The following FMN1 variants were observed in gnomAD, a reference collection of about 807,000 sequenced individuals.
FMN1 encodes the protein formin 1.
Under a neutral mutation model 132.4 loss-of-function variants are expected in FMN1, and 110 were observed. The observed-to-expected ratio is 0.83, with a 90% CI of 0.71 to 0.97. The LOEUF (loss-of-function observed/expected upper bound fraction) is 0.97, where lower values mean the gene tolerates loss of function less well. FMN1 is among the 50% of genes least tolerant of loss of function. FMN1 has a pLI of 0.00. For missense variants in FMN1, 1,792 were observed against 1,705.3 expected (o/e 1.05, Z -0.90); for synonymous variants, 722 against 651.7 (o/e 1.11, Z -1.64).
At chr15:33,067,848 C>T in intron 5 of FMN1, 7 of 1,613,250 alleles carry the variant, frequency 4.3e-6, no homozygotes, top group Non-Finnish European at 5.9e-6. Flanking sequence ...GGTTCTGACA[C>T]ATCACTGCCA....
chr15:32,839,782 C>T (rs1052505497), intron 17 of FMN1, among the ~76,000 whole-genome samples: 1 of 151,694 alleles, frequency 6.6e-6, no homozygotes, highest in African/African-American at 2.4e-5. Context: ...AATCAACCTC[C>T]CCACTGCTTA....
intron 16 of FMN1, among the ~76,000 whole-genome samples, chr15:32,871,047 C>T (rs1018900172): frequency 4.6e-5 from 7 of 152,238 alleles, no homozygotes; most frequent in East Asian, 3.9e-4. Flanking sequence ...GCTCTGGCAT[C>T]GAGGTGGACT....
chr15:33,073,662 T>C (rs563319894), intron 5 of FMN1, among the ~76,000 whole-genome samples: 18 of 151,470 alleles, frequency 1.2e-4, no homozygotes, highest in Non-Finnish European at 2.4e-4. Flanking sequence ...GATTATGGAA[T>C]AATTTGGGTA....
chr15:32,907,023 T>C (rs970829535), intron 12 of FMN1, among the ~76,000 whole-genome samples: 13 of 152,140 alleles, frequency 8.5e-5, no homozygotes, highest in Admixed American at 5.2e-4. Flanking sequence ...TGAGTCTAAA[T>C]GTCCAGGCAT....
chr15:33,149,720 C>T (rs1964369287), intron 4 of FMN1: 1 of 907,258 alleles, frequency 1.1e-6, no homozygotes, highest in Non-Finnish European at 1.3e-6. Flanking sequence ...AGATAATTTT[C>T]TTTGTACTAC....
intron 4 of FMN1, among the ~76,000 whole-genome samples, chr15:33,132,070 A>G (rs1166271103): frequency 6.6e-6 from 1 of 152,084 alleles, no homozygotes; most frequent in Non-Finnish European, 1.5e-5. Flanking sequence ...CAAAGGATCT[A>G]AAATAACATC....
intron 7 of FMN1, among the ~76,000 whole-genome samples, chr15:32,973,958 T>C (rs1362916613): frequency 2.0e-5 from 3 of 152,208 alleles, no homozygotes; most frequent in Non-Finnish European, 4.4e-5. Flanking sequence ...GTGATTCTAA[T>C]ACAGAGTAGA....
chr15:33,182,134 C>T (rs556030663), intron 2 of FMN1, among the ~76,000 whole-genome samples: 3 of 152,104 alleles, frequency 2.0e-5, no homozygotes, highest in Admixed American at 6.5e-5. Flanking sequence ...ATTTTTCTAG[C>T]TGGAATCATT....
At chr15:33,057,763 G>A (rs868424734) in intron 6 of FMN1, among the ~76,000 whole-genome samples, 44 of 152,212 alleles carry the variant, frequency 2.9e-4, no homozygotes, top group African/African-American at 9.6e-4. Context: ...ATCTTGGGGG[G>A]AAAAGTGCTT....
chr15:33,147,923 G>T (rs562834537), intron 4 of FMN1, among the ~76,000 whole-genome samples: 1 of 151,926 alleles, frequency 6.6e-6, no homozygotes, highest in Non-Finnish European at 1.5e-5. Context: ...AGAGCTTTGT[G>T]TGTTGTTTTT....
intron 17 of FMN1, among the ~76,000 whole-genome samples, chr15:32,822,970 T>C (rs537801797): frequency 2.6e-5 from 4 of 152,224 alleles, no homozygotes; most frequent in East Asian, 3.9e-4. Context: ...AGTCTCACCA[T>C]TGGGTACAAG....
At chr15:33,018,673 G>A (rs12904866) in intron 6 of FMN1, among the ~76,000 whole-genome samples, 11,446 of 152,190 alleles carry the variant, frequency 0.075, 575 homozygotes, top group Middle Eastern at 0.15. Flanking sequence ...TGGTCTCACT[G>A]ACTTCAAGAA....
Position 33,117,211 on chromosome 15 carries a change from G to A in FMN1, c.1868-28237C>T, listed in dbSNP as rs1214994021. 3.3e-5 allele frequency among the ~76,000 whole-genome samples: 5 copies of A among 152,284 alleles called. 1 individual carries two copies. The South Asian group carries it at 1.0e-3, about 32-fold the overall frequency. On this transcript the variant is annotated intron_variant, in intron 4 of 20. Coordinates refer to ENST00000616417, the MANE Select transcript of FMN1 (RefSeq NM_001277313.2). Reference sequence around the variant, plus strand: ...CCCAACCCCTACTCCAAAAGAGAGAGAGAGAAAACAAATCCAGGGTGCCAC... The same window carrying A: ...CCCAACCCCTACTCCAAAAGAGAGAAAGAGAAAACAAATCCAGGGTGCCAC...
intron 10 of FMN1, among the ~76,000 whole-genome samples, chr15:32,915,914 T>G (rs867363481): frequency 6.6e-6 from 1 of 152,218 alleles, no homozygotes; most frequent in African/African-American, 2.4e-5. Context: ...AGCTGGTAAT[T>G]TTATTAGATT....
intron 15 of FMN1, among the ~76,000 whole-genome samples, chr15:32,894,324 A>T (rs1412430877): frequency 6.6e-6 from 1 of 152,078 alleles, no homozygotes; most frequent in Non-Finnish European, 1.5e-5. Flanking sequence ...GTTTCTGCTA[A>T]AAATACAAAA....
chr15:32,899,968 AAAAT>A lies in FMN1; in HGVS notation c.3654+7_3654+10del. On this transcript the variant is annotated splice_region_variant and intron_variant, in intron 14 of 20. Coordinates refer to ENST00000616417, the MANE Select transcript of FMN1 (RefSeq NM_001277313.2). ...GGCAGATCATGGGAACTTATTATGA[AAAAT>A]AAATACCCGACTTTTGACATCCTTG... 5.6e-6 allele frequency: 9 copies of A among 1,610,332 alleles called. No homozygotes were observed. Among genetic ancestry groups the A allele is most frequent in the Non-Finnish European group, 5.9e-6 (7 of 1,179,016 alleles).
rs58480419 is a variant in FMN1 at position 33,150,061 on chromosome 15, C to G, written c.1867+2987G>C. 3 of 985,394 alleles carry G rather than the reference C, an allele frequency of 3.0e-6. No individual in the cohort carries two copies. In the South Asian group the frequency reaches 1.4e-4, roughly 46 times the overall value. 61.0% of individuals were successfully genotyped at this position (985,394 alleles called of 1,614,324 possible). A position where few individuals can be genotyped will look rare whatever the true frequency, so the allele number is the denominator to read the frequency against. Reference sequence around the variant, plus strand: ...CCTGGAGCATATGCTTCCATCACCACATCAGTGACTTCAGTCAAAGGAAAA... The same window carrying G: ...CCTGGAGCATATGCTTCCATCACCAGATCAGTGACTTCAGTCAAAGGAAAA... On this transcript the variant is annotated intron_variant, in intron 4 of 20. Coordinates refer to ENST00000616417, the MANE Select transcript of FMN1 (RefSeq NM_001277313.2).
At chr15:32,936,989 C>T (rs1223028816) in intron 9 of FMN1, among the ~76,000 whole-genome samples, 5 of 152,120 alleles carry the variant, frequency 3.3e-5, no homozygotes, top group Admixed American at 6.5e-5. Context: ...CACTCCAAGT[C>T]GGGCAAGACA....
intron 4 of FMN1, chr15:33,150,660 C>T (rs926695729): frequency 1.0e-6 from 1 of 985,380 alleles, no homozygotes; most frequent in Non-Finnish European, 1.2e-6. Flanking sequence ...TTGCCTCTAA[C>T]ATTGAAGAGT....
Sources: allele counts gnomAD v4.1 joint callset (sites outside exome capture counted in the v4.1 genomes callset), GRCh38; gene constraint gnomAD v4.1.1; transcripts MANE v1.5; gene names NCBI Gene and HGNC (gene_info 2026-07-23, HGNC 2026-07-21).